Variants in ZZEF1 observed in about 807,000 individuals in gnomAD.
ZZEF1 encodes zinc finger ZZ-type and EF-hand domain containing 1.
A neutral mutation model predicts 342.8 loss-of-function variants in ZZEF1; 157 were observed. The observed-to-expected ratio is 0.46, with a 90% CI of 0.40 to 0.52. The LOEUF is 0.52. Among genes scored for constraint, ZZEF1 ranks in the 20% least tolerant of loss-of-function variants. The pLI, the probability that ZZEF1 is intolerant of heterozygous loss-of-function variation, is 0.00. For missense variants in ZZEF1, 3,480 were observed against 3,725.6 expected, an observed-to-expected ratio of 0.93 and a Z score of 1.72; for synonymous variants, 1,505 against 1,429.1, an observed-to-expected ratio of 1.05 and a Z score of -1.20.
chr17:4,064,854 T>TAAA (rs762960303), intron 28 of ZZEF1, 25 bp from the exon 29 acceptor site: 14 of 1,171,934 alleles, frequency 1.2e-5, no homozygotes, highest in South Asian at 9.4e-5. Context: ...GAATCATAAT[T>TAAA]GAAAAAAAAA....
chr17:4,069,001 C>T (rs1230624223), intron 26 of ZZEF1, among the ~76,000 whole-genome samples: 1 of 152,204 alleles, frequency 6.6e-6, no homozygotes, highest in African/African-American at 2.4e-5. Context: ...TAAGACAAGC[C>T]TGGCCTCCTT....
Position 4,016,363 on chromosome 17 carries a change from C to T in ZZEF1, c.8105G>A (p.Arg2702Lys), listed in dbSNP as rs2056101001. The T allele has an allele frequency of 6.2e-7, 1 of 1,614,188 alleles. No homozygotes were observed. ...GTTGTTATACGGGTGTTTCGACTCC[C>T]TCACTTGCACCTCCATTCCTGGCTC... ...MEEPGMEVQV[R>K]ESKHPYNNNT... Residue 2702 changes from arginine to lysine, a missense_variant, in exon 49 of 55, where the codon AGG becomes AAG. Arg to Lys is a conservative substitution (Grantham distance 26, BLOSUM62 2). Around this residue, in one of 5 missense-constraint regions of ZZEF1, gnomAD observed 1,269 missense variants for 1,342.4 expected, o/e 0.95. Coordinates refer to ENST00000381638, the MANE Select transcript of ZZEF1 (RefSeq NM_015113.4). The surrounding 1 kb of genome is among the most constrained non-coding windows in gnomAD (Gnocchi z 4.4).
At chr17:4,026,579 T>C (rs544704414) in intron 42 of ZZEF1, among the ~76,000 whole-genome samples, 1 of 150,842 alleles carries the variant, frequency 6.6e-6, no homozygotes, top group African/African-American at 2.4e-5. Context: ...TGGAGTACAA[T>C]GACGTGATCT....
At position 4,104,678 on chromosome 17, in the gene ZZEF1, TGA is replaced by T; in HGVS notation, c.1526_1527del (p.Leu509HisfsTer17). On this transcript the variant is annotated frameshift_variant, in exon 8 of 55. Coordinates refer to ENST00000381638, the MANE Select transcript of ZZEF1 (RefSeq NM_015113.4). LOFTEE classifies it high-confidence loss of function. ...TGTCTGACTGACGCCATGGACAAGA[TGA>T]GGGATGAGGCATCATACTGCGTGTC... Reference protein sequence around the residue: ...HLDTQYDASSLILSMASVRQN... With the variant: ...HLDTQYDASSXILSMASVRQN... 1 of 1,614,134 alleles carries T rather than the reference TGA, an allele frequency of 6.2e-7. No homozygotes were observed.
At chr17:4,025,681 CAAA>C (rs11345281) in intron 42 of ZZEF1, among the ~76,000 whole-genome samples, 9 of 127,292 alleles carry the variant, frequency 7.1e-5, no homozygotes, top group Admixed American at 7.9e-5. Context: ...GACTCCGTCT[CAAA>C]AAAAAAAAAA....
At chr17:4,011,117 G>C (rs531335264) in intron 52 of ZZEF1, among the ~76,000 whole-genome samples, 4 of 151,118 alleles carry the variant, frequency 2.6e-5, no homozygotes, top group African/African-American at 9.7e-5. Context: ...AAAAAAAAAA[G>C]ATGGCCAGGA....
chr17:4,108,660 C>T (rs1455926683), intron 6 of ZZEF1, among the ~76,000 whole-genome samples: 1 of 152,156 alleles, frequency 6.6e-6, no homozygotes, highest in Non-Finnish European at 1.5e-5. Flanking sequence ...GAAATACACA[C>T]TAAAGCAGCA....
At chr17:4,101,195 G>A (rs1175747589) in intron 9 of ZZEF1, among the ~76,000 whole-genome samples, 1 of 152,158 alleles carries the variant, frequency 6.6e-6, no homozygotes, top group Non-Finnish European at 1.5e-5. Flanking sequence ...GTGCAGCTGG[G>A]AAAAGCATGT....
chr17:4,080,921 T>A (rs1285471358), intron 18 of ZZEF1, among the ~76,000 whole-genome samples: 1 of 152,202 alleles, frequency 6.6e-6, no homozygotes, highest in Non-Finnish European at 1.5e-5. Context: ...ACCTTTGTGA[T>A]CATTTGTAAG....
rs2056212370 is a variant in ZZEF1, at chr17:4,019,605, C to T, written c.7505+64G>A. 2.8e-6 allele frequency: 4 copies of T among 1,452,304 alleles called. No homozygotes were observed. In the Admixed American group the frequency reaches 5.6e-5, roughly 20 times the overall value. The allele number at this position is 1,452,304 out of a possible 1,614,324, so 90.0% of individuals were successfully genotyped here. A position where few individuals can be genotyped will look rare whatever the true frequency, so the allele number is the denominator to read the frequency against. On this transcript the variant is annotated intron_variant, in intron 46 of 54. Coordinates refer to ENST00000381638, the MANE Select transcript of ZZEF1 (RefSeq NM_015113.4). ...CCAGAAGCTGCTGCCAGGAGGCGCA[C>T]ACCCTCCCGCCCTCACATATTCTCT... is the stretch of plus-strand genomic sequence containing the variant.
chr17:4,115,101 A>G (rs1388010835), intron 3 of ZZEF1, among the ~76,000 whole-genome samples: 1 of 152,072 alleles, frequency 6.6e-6, no homozygotes, highest in East Asian at 1.9e-4. Context: ...AGCTCACCGC[A>G]GCCTCGATCT....
chr17:4,046,730 C>T (rs140634924), intron 37 of ZZEF1, among the ~76,000 whole-genome samples: 19 of 152,280 alleles, frequency 1.2e-4, no homozygotes, highest in Admixed American at 7.8e-4. Flanking sequence ...ATGGCACTTG[C>T]GAAGACAATA....
In ZZEF1 at chr17:4,016,249, G is replaced by A. The variant is rs974566988; in HGVS notation, c.8145+74C>T. ...GCCACAGAGGGGCTGAGCATGGAGG[G>A]GCTGAGCACGGAGGGGCTGACGAGG... On this transcript the variant is annotated intron_variant, in intron 49 of 54. Transcript: ENST00000381638. This position sits in a 1 kb window ranked among gnomAD's most constrained non-coding sequence, Gnocchi z 4.4. The A allele has an allele frequency of 2.6e-6, 4 of 1,523,466 alleles. No homozygotes were observed. The highest frequency in any genetic ancestry group is 3.5e-6 in the Non-Finnish European group (4 of 1,133,174). 94.4% of individuals were successfully genotyped at this position (1,523,466 alleles called of 1,614,324 possible). A position where few individuals can be genotyped will look rare whatever the true frequency, so the allele number is the denominator to read the frequency against.
intron 29 of ZZEF1, among the ~76,000 whole-genome samples, chr17:4,063,932 T>C (rs372094174): frequency 6.6e-6 from 1 of 152,004 alleles, no homozygotes. Flanking sequence ...TTCACCATGT[T>C]GGCCAGGCAG....
rs373997187 is a variant in ZZEF1 at position 4,009,697 on chromosome 17, G to A, written c.8640C>T (p.Tyr2880=). 2.2e-5 allele frequency: 36 copies of A among 1,613,996 alleles called. No homozygotes were observed. Among genetic ancestry groups the A allele is most frequent in the South Asian group, 9.9e-5 (9 of 91,084 alleles). The change falls in exon 53 of 55, where the codon TAC becomes TAT. Residue 2880 remains tyrosine, a synonymous_variant. Transcript: ENST00000381638. ...PLWQLFTHME[Y]GLFEDVTQPG... Reference sequence around the variant, plus strand: ...GCTGCGTCACGTCCTCAAACAGGCCGTACTCCATGTGGGTAAAGAGCTGCC... The same window carrying A: ...GCTGCGTCACGTCCTCAAACAGGCCATACTCCATGTGGGTAAAGAGCTGCC...
At position 4,027,283 on chromosome 17, in the gene ZZEF1, TCAC is replaced by T. The variant is rs1236096254; in HGVS notation, c.6893-2168_6893-2166del. On this transcript the variant is annotated intron_variant, in intron 42 of 54. Transcript: ENST00000381638. ...TAAGACCTACGCACCCAGCAATATC[TCAC>T]TTTTTTTTTTTTTTTTTTTTTTTTT... 2.2e-3 allele frequency among the ~76,000 whole-genome samples: 292 copies of T among 131,706 alleles called. 4 individuals are homozygous for T. The highest frequency in any genetic ancestry group is 7.3e-3 in the African/African-American group (241 of 32,886). The allele number at this position is 131,706 out of a possible 152,430, so 86.4% of individuals were successfully genotyped here.
rs2058533336 is a variant in ZZEF1, at chr17:4,123,994, C to G, written c.412G>C (p.Glu138Gln). Residue 138 changes from glutamate (E) to glutamine (Q), a missense_variant, in exon 2 of 55, where the codon GAG (glutamate) becomes CAG (glutamine). By Grantham distance (29) the Glu-to-Gln change is conservative. Coordinates refer to ENST00000381638, the MANE Select transcript of ZZEF1 (RefSeq NM_015113.4). ...GCTCCACTGGAATTCTTGAGGGCCTCCAACATGTTCTCGGCATCAACTGTC... is the reference window on the plus strand; with the variant it reads ...GCTCCACTGGAATTCTTGAGGGCCTGCAACATGTTCTCGGCATCAACTGTC... ...DGTVDAENML[E>Q]ALKNSSGANL... 1 of 1,613,988 alleles carries G rather than the reference C, an allele frequency of 6.2e-7. No individual in the cohort carries two copies. The highest frequency in any genetic ancestry group is 8.5e-7 in the Non-Finnish European group (1 of 1,179,982).
At chr17:4,098,041 G>C (rs896176014) in intron 9 of ZZEF1, among the ~76,000 whole-genome samples, 1 of 151,372 alleles carries the variant, frequency 6.6e-6, no homozygotes, top group African/African-American at 2.4e-5. Context: ...AGTTCGAGAC[G>C]AGCCTGGCCA....
chr17:4,033,055 CGTT>C, intron 40 of ZZEF1, 53 bp from the exon 41 acceptor site: 2 of 1,511,088 alleles, frequency 1.3e-6, no homozygotes, highest in Non-Finnish European at 1.8e-6. Flanking sequence ...AAACTCAACT[CGTT>C]AGAGCTCACT....
Sources: allele counts gnomAD v4.1 joint callset (sites outside exome capture counted in the v4.1 genomes callset), GRCh38; gene constraint gnomAD v4.1.1; regional missense constraint gnomAD v4.1.1; non-coding constraint Gnocchi (gnomAD v3.1); transcripts MANE v1.5; gene names NCBI Gene and HGNC (gene_info 2026-07-23, HGNC 2026-07-21).